The following INPP4B variants were observed in gnomAD, a reference collection of about 807,000 sequenced individuals.
INPP4B encodes the protein inositol polyphosphate-4-phosphatase type II B, also known as inositol polyphosphate 4-phosphatase type II.
INPP4B carries 55 observed loss-of-function variants against 122.5 expected under a neutral mutation model. The observed-to-expected ratio is 0.45, with a 90% CI of 0.36 to 0.56. INPP4B has a LOEUF of 0.56. INPP4B is among the 20% of genes least tolerant of loss of function. The probability of loss-of-function intolerance (pLI) is 0.00; values close to 1 mark genes in which losing one functional copy is unlikely to be tolerated. For missense variants in INPP4B, 1,000 were observed against 1,097.7 expected (o/e 0.91, Z 1.26); for synonymous variants, 403 against 388.7 (o/e 1.04, Z -0.43).
chr4:142,187,063 C>G (rs1471736886), intron 15 of INPP4B, among the ~76,000 whole-genome samples: 1 of 138,374 alleles, frequency 7.2e-6, no homozygotes, highest in African/African-American at 2.7e-5. Flanking sequence ...TGAGAGTAGC[C>G]AACAAGGAAC....
intron 9 of INPP4B, among the ~76,000 whole-genome samples, chr4:142,285,985 T>C (rs1177413893): frequency 1.3e-5 from 2 of 152,196 alleles, no homozygotes; most frequent in African/African-American, 4.8e-5. Flanking sequence ...TACTAAATCA[T>C]CTGGTAATTA....
At chr4:142,658,100 TTA>T (rs1754489134) in intron 2 of INPP4B, among the ~76,000 whole-genome samples, 1 of 152,196 alleles carries the variant, frequency 6.6e-6, no homozygotes, top group Non-Finnish European at 1.5e-5. Flanking sequence ...ATAATTAAGG[TTA>T]TGTTAAGTTA....
chr4:142,149,072 C>T (rs1812351812), intron 17 of INPP4B, among the ~76,000 whole-genome samples: 1 of 152,204 alleles, frequency 6.6e-6, no homozygotes, highest in African/African-American at 2.4e-5. Context: ...GTCATGGCCT[C>T]CTTCTCTTTT....
intron 1 of INPP4B, among the ~76,000 whole-genome samples, chr4:142,822,610 C>T (rs545302267): frequency 2.3e-4 from 35 of 151,904 alleles, no homozygotes; most frequent in Admixed American, 5.9e-4. Flanking sequence ...ATCCTAAAAC[C>T]ATCTACACCA....
At position 142,283,454 on chromosome 4, in the gene INPP4B, T is replaced by C. The variant is rs570969200; in HGVS notation, c.504-12680A>G. 3.5e-4 allele frequency among the ~76,000 whole-genome samples: 53 copies of C among 152,252 alleles called. 2 individuals are homozygous for C. The South Asian group carries it at 9.9e-3, about 29-fold the overall frequency. The stretch of plus-strand genomic sequence containing the variant: ...TCATGCGTTGCTAGATGACAGAATA[T>C]ATTCTAAGAAATATGCCATTAGGCA... On this transcript the variant is annotated intron_variant, in intron 9 of 25. Transcript: ENST00000262992.
At chr4:142,314,804 C>T in intron 7 of INPP4B, 42 bp from the exon 8 acceptor site, 1 of 1,536,094 alleles carries the variant, frequency 6.5e-7, no homozygotes, top group Non-Finnish European at 8.9e-7. Context: ...GGAGTAGAAA[C>T]TAGTGCAGAA....
At chr4:142,188,262 T>C (rs1029347857) in intron 15 of INPP4B, among the ~76,000 whole-genome samples, 1 of 151,020 alleles carries the variant, frequency 6.6e-6, no homozygotes, top group Non-Finnish European at 1.5e-5. Context: ...CTGAGGCGGG[T>C]GGATTACGAG....
chr4:142,811,859 C>T (rs924714440), intron 1 of INPP4B, among the ~76,000 whole-genome samples: 21 of 152,070 alleles, frequency 1.4e-4, no homozygotes, highest in African/African-American at 2.7e-4. Context: ...CAAAGAAAAG[C>T]GCGCTGCTAG....
chr4:142,555,061 T>C (rs1188398605), intron 2 of INPP4B, among the ~76,000 whole-genome samples: 3 of 152,144 alleles, frequency 2.0e-5, no homozygotes, highest in Non-Finnish European at 4.4e-5. Context: ...GCACCACATG[T>C]AGCTGAGGAG....
At chr4:142,061,864 G>GTA in intron 25 of INPP4B, among the ~76,000 whole-genome samples, 1 of 30,832 alleles carries the variant, frequency 3.2e-5, no homozygotes, top group Non-Finnish European at 7.2e-5. Flanking sequence ...ATATATATAT[G>GTA]TACACACACA....
chr4:142,593,784 T>C (rs1738069631), intron 2 of INPP4B, among the ~76,000 whole-genome samples: 1 of 152,136 alleles, frequency 6.6e-6, no homozygotes, highest in African/African-American at 2.4e-5. Flanking sequence ...ATAAGCAGCA[T>C]ATAAAATAAA....
At chr4:142,486,493 A>G (rs1821211914) in intron 2 of INPP4B, among the ~76,000 whole-genome samples, 1 of 152,070 alleles carries the variant, frequency 6.6e-6, no homozygotes, top group East Asian at 1.9e-4. Context: ...AGTCACTATT[A>G]TATTCTGGAT....
chr4:142,153,632 T>C (rs1427379285), intron 17 of INPP4B, among the ~76,000 whole-genome samples: 1 of 152,198 alleles, frequency 6.6e-6, no homozygotes. Flanking sequence ...TTACATTATT[T>C]CATTACATTA....
intron 23 of INPP4B, among the ~76,000 whole-genome samples, chr4:142,100,017 C>G (rs529107605): frequency 6.6e-6 from 1 of 152,186 alleles, no homozygotes; most frequent in African/African-American, 2.4e-5. Flanking sequence ...CAATCTTGGC[C>G]CCACAGCCAG....
chr4:142,379,085 G>A (rs904065768), intron 7 of INPP4B, among the ~76,000 whole-genome samples: 5 of 152,056 alleles, frequency 3.3e-5, no homozygotes, highest in Admixed American at 6.6e-5. Context: ...ATAACTATCA[G>A]TGCCCTTTTC....
At chr4:142,336,306 G>A (rs553850549) in intron 7 of INPP4B, among the ~76,000 whole-genome samples, 91 of 152,320 alleles carry the variant, frequency 6.0e-4, no homozygotes, top group Non-Finnish European at 1.2e-3. Flanking sequence ...TTGAGGGGTA[G>A]TGGGGGAGAA....
intron 1 of INPP4B, among the ~76,000 whole-genome samples, chr4:142,825,734 G>T (rs1444732144): frequency 6.6e-6 from 1 of 151,910 alleles, no homozygotes; most frequent in Non-Finnish European, 1.5e-5. Context: ...AGTATGGGTA[G>T]AATTTTGAGA....
chr4:142,169,430 A>G (rs336385), intron 16 of INPP4B, among the ~76,000 whole-genome samples: 150,720 of 151,716 alleles, frequency 0.99, 74,871 homozygotes, highest in Middle Eastern at 1. Context: ...CAATAAAAAA[A>G]TTATTCTCAG....
intron 2 of INPP4B, among the ~76,000 whole-genome samples, chr4:142,634,081 A>AC (rs1748581957): frequency 6.6e-6 from 1 of 152,074 alleles, no homozygotes; most frequent in Non-Finnish European, 1.5e-5. Context: ...GAGATATTAG[A>AC]AACACTTTAA....
Sources: gnomAD v4.1 joint callset for allele counts (sites outside exome capture counted in the v4.1 genomes callset) on GRCh38, gnomAD v4.1.1 for gene constraint, MANE v1.5 for transcripts, NCBI Gene and HGNC (gene_info 2026-07-23, HGNC 2026-07-21) for gene names.